DSCAML1: variants seen among roughly 807,000 people sequenced by gnomAD.
DSCAML1 encodes the protein cell adhesion molecule DSCAML1.
A neutral mutation model predicts 200.5 loss-of-function variants in DSCAML1; 38 were observed. That is an observed-to-expected ratio of 0.19 (90% CI 0.15 to 0.25). The LOEUF (loss-of-function observed/expected upper bound fraction) is 0.25, where lower values mean the gene tolerates loss of function less well. Ranked by LOEUF, DSCAML1 falls within the 10% of genes least tolerant of loss-of-function variation. The probability of loss-of-function intolerance (pLI) is 1.00; values close to 1 mark genes in which losing one functional copy is unlikely to be tolerated. For synonymous variants in DSCAML1, 1,215 were observed against 1,165.0 expected (o/e 1.04, Z -0.87); for missense variants, 2,223 against 2,858.8 (o/e 0.78, Z 5.07).
chr11:117,757,409 G>A (rs980762412), intron 3 of DSCAML1, among the ~76,000 whole-genome samples: 7 of 152,060 alleles, frequency 4.6e-5, no homozygotes, highest in African/African-American at 1.7e-4. Context: ...CACTCAAGGG[G>A]TGCTGGATAT....
At chr11:117,679,953 T>C (rs905674050) in intron 3 of DSCAML1, among the ~76,000 whole-genome samples, 5 of 152,234 alleles carry the variant, frequency 3.3e-5, no homozygotes, top group African/African-American at 1.2e-4. Flanking sequence ...TGTTCTGTGA[T>C]GCCCTGGACT....
chr11:117,625,678 A>G (rs1565834384), intron 3 of DSCAML1, among the ~76,000 whole-genome samples: 1 of 152,206 alleles, frequency 6.6e-6, no homozygotes, highest in African/African-American at 2.4e-5. Flanking sequence ...AGGCGTCTCC[A>G]TGGTAGATCT....
chr11:117,771,097 AC>A (rs2055030313), intron 3 of DSCAML1, among the ~76,000 whole-genome samples: 1 of 152,184 alleles, frequency 6.6e-6, no homozygotes, highest in Non-Finnish European at 1.5e-5. Context: ...TTCATAGCCT[AC>A]ATGTGGCCCA....
intron 16 of DSCAML1, among the ~76,000 whole-genome samples, chr11:117,467,871 C>G (rs2048615017): frequency 1.3e-5 from 2 of 152,170 alleles, no homozygotes; most frequent in South Asian, 4.1e-4. Context: ...GTACGTGTAT[C>G]TATACTGACA....
At chr11:117,728,376 C>T (rs921100856) in intron 3 of DSCAML1, among the ~76,000 whole-genome samples, 1 of 152,158 alleles carries the variant, frequency 6.6e-6, no homozygotes, top group African/African-American at 2.4e-5. Context: ...AGGAACAAAA[C>T]GAGGATGTCC....
In DSCAML1 at chr11:117,475,998, T is replaced by G. The variant is rs974786352; in HGVS notation, c.2786-3962A>C. Among the ~76,000 whole-genome samples, 53 of 152,172 alleles carry G rather than the reference T, an allele frequency of 3.5e-4. 2 individuals are homozygous for G. Among genetic ancestry groups the G allele is most frequent in the African/African-American group, 1.2e-3 (48 of 41,450 alleles). On this transcript the variant is annotated intron_variant, in intron 14 of 32. Coordinates refer to ENST00000651296, the MANE Select transcript of DSCAML1 (RefSeq NM_020693.4). ...CCTGAATGGCTGAGACCAGGGGCCC[T>G]ATTTTCTTCCTTTTCCTTTTCAGTT...
chr11:117,548,915 C>T (rs1000384125), intron 3 of DSCAML1, among the ~76,000 whole-genome samples: 3 of 152,180 alleles, frequency 2.0e-5, no homozygotes, highest in African/African-American at 7.2e-5. Context: ...TCTGTCTCTG[C>T]TTTTTCATGC....
intron 3 of DSCAML1, among the ~76,000 whole-genome samples, chr11:117,738,570 G>A (rs1316253548): frequency 2.6e-5 from 4 of 152,210 alleles, no homozygotes; most frequent in African/African-American, 7.2e-5. Flanking sequence ...ACCTACAAGT[G>A]TAATCATAAA....
intron 3 of DSCAML1, among the ~76,000 whole-genome samples, chr11:117,657,080 T>C (rs1256119017): frequency 3.3e-5 from 5 of 152,130 alleles, no homozygotes; most frequent in Non-Finnish European, 5.9e-5. Flanking sequence ...TGCAGGGCGC[T>C]CCACAGGTGA....
At chr11:117,633,410 T>G (rs1048277377) in intron 3 of DSCAML1, among the ~76,000 whole-genome samples, 1 of 152,214 alleles carries the variant, frequency 6.6e-6, no homozygotes, top group Admixed American at 6.5e-5. Flanking sequence ...CTTTGCTCCC[T>G]GTCAACACAG....
At chr11:117,690,125 C>T (rs562452434) in intron 3 of DSCAML1, among the ~76,000 whole-genome samples, 8 of 152,244 alleles carry the variant, frequency 5.3e-5, no homozygotes, top group Non-Finnish European at 1.2e-4. Context: ...TGAAGTAAAG[C>T]TGAAGACAGA....
chr11:117,657,196 G>T (rs143534435), intron 3 of DSCAML1, among the ~76,000 whole-genome samples: 1 of 152,108 alleles, frequency 6.6e-6, no homozygotes, highest in East Asian at 1.9e-4. Context: ...TTCCAGATTC[G>T]CAAAGCCCTT....
At chr11:117,717,895 C>T (rs2053979809) in intron 3 of DSCAML1, among the ~76,000 whole-genome samples, 2 of 152,168 alleles carry the variant, frequency 1.3e-5, no homozygotes, top group Admixed American at 6.5e-5. Context: ...ACTGCTTTAC[C>T]AACCTAGTCC....
At position 117,797,184 on chromosome 11, in the gene DSCAML1, C is replaced by G. The variant is rs777313302; in HGVS notation, c.-105G>C. 3.8e-6 allele frequency: 6 copies of G among 1,565,954 alleles called. No individual in the cohort carries two copies. In the Admixed American group the frequency reaches 5.6e-5, roughly 15 times the overall value. On this transcript the variant is annotated 5_prime_UTR_variant, in exon 1 of 33. Transcript: ENST00000651296. ...TCCCAGCCGCCCGCACTCGGCGCCCCGCTCTCTCTGCTCCTCAGCCCAGCG... is the reference window on the plus strand; with the variant it reads ...TCCCAGCCGCCCGCACTCGGCGCCCGGCTCTCTCTGCTCCTCAGCCCAGCG...
intron 4 of DSCAML1, among the ~76,000 whole-genome samples, chr11:117,528,534 G>T (rs2050019528): frequency 6.6e-6 from 1 of 152,188 alleles, no homozygotes; most frequent in African/African-American, 2.4e-5. Flanking sequence ...GCTAGGCTAG[G>T]CTGGCTGGGG....
intron 3 of DSCAML1, among the ~76,000 whole-genome samples, chr11:117,729,922 C>T (rs904151677): frequency 3.9e-5 from 6 of 152,194 alleles, no homozygotes; most frequent in African/African-American, 1.2e-4. Context: ...GGAGTCAGGC[C>T]GGGCGCAGTG....
chr11:117,579,063 A>G (rs2050999603), intron 3 of DSCAML1, among the ~76,000 whole-genome samples: 2 of 151,948 alleles, frequency 1.3e-5, no homozygotes, highest in African/African-American at 4.8e-5. Context: ...TGTTGGCTCT[A>G]TCTCCAAATA....
In DSCAML1 at chr11:117,475,044, C is replaced by T. The variant is rs547466906; in HGVS notation, c.2786-3008G>A. ...TGCTGGGATTACAGGCGTGAGTCAC[C>T]GCGCCTGGCCTCTGTGTCATTCTTG... On this transcript the variant is annotated intron_variant, in intron 14 of 32. Coordinates refer to ENST00000651296, the MANE Select transcript of DSCAML1 (RefSeq NM_020693.4). Among the ~76,000 whole-genome samples the T allele has an allele frequency of 4.2e-4, 64 of 152,170 alleles. No homozygotes were observed. The South Asian group carries it at 9.1e-3, about 22-fold the overall frequency.
rs2049834409 is a variant in DSCAML1 at position 117,518,939 on chromosome 11, C to T, written c.1214-177G>A. Among the ~76,000 whole-genome samples, 1 of 152,242 alleles carries T rather than the reference C, an allele frequency of 6.6e-6. No individual in the cohort carries two copies. On this transcript the variant is annotated intron_variant, in intron 6 of 32. Coordinates refer to ENST00000651296, the MANE Select transcript of DSCAML1 (RefSeq NM_020693.4). The surrounding 1 kb of genome is among the most constrained non-coding windows in gnomAD (Gnocchi z 6.3). Reference sequence around the variant, plus strand: ...CCAAGTGGTGCCAGTTACTGCTGTACATGGATTCAGGCTGTAGGGTTTGCA... The same window carrying T: ...CCAAGTGGTGCCAGTTACTGCTGTATATGGATTCAGGCTGTAGGGTTTGCA...
Sources: gnomAD v4.1 joint callset for allele counts (sites outside exome capture counted in the v4.1 genomes callset) on GRCh38, gnomAD v4.1.1 for gene constraint, Gnocchi (gnomAD v3.1) non-coding constraint, MANE v1.5 for transcripts, NCBI Gene and HGNC (gene_info 2026-07-23, HGNC 2026-07-21) for gene names.